The following ROBO2 variants were observed in gnomAD, a reference collection of about 807,000 sequenced individuals.
ROBO2 encodes roundabout homolog 2.
A neutral mutation model predicts 160.8 loss-of-function variants in ROBO2; 53 were observed. The ratio of observed to expected loss-of-function variants is 0.33; its 90% CI spans 0.26 to 0.41. ROBO2 has a LOEUF of 0.41. Ranked by LOEUF, ROBO2 falls within the 10% of genes least tolerant of loss-of-function variation. The pLI, the probability that ROBO2 is intolerant of heterozygous loss-of-function variation, is 1.00. For missense variants in ROBO2, 1,577 were observed against 1,722.4 expected (o/e 0.92, Z 1.49); for synonymous variants, 664 against 611.7 (o/e 1.09, Z -1.26).
chr3:76,311,944 C>T (rs954490605), intron 2 of ROBO2, among the ~76,000 whole-genome samples: 5 of 152,154 alleles, frequency 3.3e-5, no homozygotes, highest in African/African-American at 1.2e-4. Flanking sequence ...AAAAGCCTTT[C>T]AGTACTTTGA....
At chr3:76,766,370 G>A (rs9873068) in intron 2 of ROBO2, among the ~76,000 whole-genome samples, 1,746 of 151,688 alleles carry the variant, frequency 0.012, 30 homozygotes, top group African/African-American at 0.039. Context: ...ATCTATGGAC[G>A]TAATGGAGGA....
chr3:77,310,966 C>T (rs2063496954), intron 2 of ROBO2, among the ~76,000 whole-genome samples: 1 of 152,006 alleles, frequency 6.6e-6, no homozygotes. Flanking sequence ...AATCAGATGT[C>T]TTCTGATGAG....
intron 2 of ROBO2, among the ~76,000 whole-genome samples, chr3:76,010,792 A>G (rs1198330268): frequency 6.6e-6 from 1 of 152,256 alleles, no homozygotes; most frequent in Non-Finnish European, 1.5e-5. Flanking sequence ...AAGTGTTGAA[A>G]TGAAATTAAC....
At chr3:77,627,771 A>C (rs1244288189) in intron 23 of ROBO2, among the ~76,000 whole-genome samples, 1 of 152,226 alleles carries the variant, frequency 6.6e-6, no homozygotes, top group Non-Finnish European at 1.5e-5. Flanking sequence ...AAAAGTTCAT[A>C]GATTAAATAT....
intron 2 of ROBO2, among the ~76,000 whole-genome samples, chr3:77,295,679 G>T (rs2061996844): frequency 6.6e-6 from 1 of 150,966 alleles, no homozygotes; most frequent in Non-Finnish European, 1.5e-5. Context: ...TAAAATTGAT[G>T]GTTAAACGGG....
intron 2 of ROBO2, among the ~76,000 whole-genome samples, chr3:76,908,135 C>A (rs2075741307): frequency 6.6e-6 from 1 of 152,070 alleles, no homozygotes; most frequent in Non-Finnish European, 1.5e-5. Flanking sequence ...CCATCAAACC[C>A]AGCCTGCCTT....
intron 2 of ROBO2, among the ~76,000 whole-genome samples, chr3:76,530,715 G>T (rs977154238): frequency 3.3e-5 from 5 of 152,158 alleles, no homozygotes; most frequent in Non-Finnish European, 7.3e-5. Flanking sequence ...CCAGTGAAAT[G>T]TGTGCACAAA....
chr3:75,972,768 T>G (rs1314897247), intron 2 of ROBO2, among the ~76,000 whole-genome samples: 1 of 151,626 alleles, frequency 6.6e-6, no homozygotes. Flanking sequence ...TTTTGCAACA[T>G]GTCCTCTGGG....
chr3:77,468,664 TTG>T (rs2083035053), intron 2 of ROBO2, among the ~76,000 whole-genome samples: 1 of 152,182 alleles, frequency 6.6e-6, no homozygotes, highest in South Asian at 2.1e-4. Context: ...ATGTTTGTGT[TTG>T]TGTGTTTTAT....
At chr3:77,276,342 T>C (rs2059826845) in intron 2 of ROBO2, among the ~76,000 whole-genome samples, 1 of 152,190 alleles carries the variant, frequency 6.6e-6, no homozygotes, top group Non-Finnish European at 1.5e-5. Flanking sequence ...TCCCTTGAAA[T>C]GTTACTACTA....
chr3:77,277,352 T>C (rs1176367416), intron 2 of ROBO2, among the ~76,000 whole-genome samples: 6 of 151,870 alleles, frequency 4.0e-5, no homozygotes, highest in East Asian at 1.9e-4. Context: ...GTTTGTTCCA[T>C]AGGTAAATGT....
chr3:76,668,329 A>G (rs556654703), intron 2 of ROBO2, among the ~76,000 whole-genome samples: 45 of 152,180 alleles, frequency 3.0e-4, no homozygotes, highest in African/African-American at 9.6e-4. Flanking sequence ...GCTTGTCTCA[A>G]TCTCCTGGGC....
intron 2 of ROBO2, among the ~76,000 whole-genome samples, chr3:76,705,797 A>G (rs1312456229): frequency 2.6e-5 from 4 of 152,108 alleles, no homozygotes; most frequent in Non-Finnish European, 5.9e-5. Context: ...TTCTATTTGC[A>G]TAAAGTTATT....
At chr3:77,228,839 T>G (rs2086812403) in intron 2 of ROBO2, among the ~76,000 whole-genome samples, 1 of 152,206 alleles carries the variant, frequency 6.6e-6, no homozygotes, top group Non-Finnish European at 1.5e-5. Flanking sequence ...TCTCTTGAAG[T>G]TACTCTGCTG....
At chr3:76,680,800 G>A (rs2092541253) in intron 2 of ROBO2, among the ~76,000 whole-genome samples, 1 of 151,940 alleles carries the variant, frequency 6.6e-6, no homozygotes, top group Non-Finnish European at 1.5e-5. Flanking sequence ...TTTTGAGACA[G>A]GGTCTCACTC....
chr3:76,858,642 T>C (rs2070403467), intron 2 of ROBO2, among the ~76,000 whole-genome samples: 1 of 152,126 alleles, frequency 6.6e-6, no homozygotes, highest in African/African-American at 2.4e-5. Flanking sequence ...TAAAGCCAAA[T>C]AGTAAAGGCC....
In ROBO2 at chr3:76,073,267, C is replaced by CTTTTT. The variant is rs869307615; in HGVS notation, c.109+135705_109+135709dup. On this transcript the variant is annotated intron_variant, in intron 2 of 26. Coordinates refer to the ROBO2 transcript ENST00000487694. ...TTGTAAACTTCTCAGAATGAGTATT[C>CTTTTT]TTTTTTTTTTTTTTTTTTTTTTTTT... 8.9e-4 allele frequency among the ~76,000 whole-genome samples: 51 copies of CTTTTT among 57,390 alleles called. 7 individuals are homozygous for CTTTTT. Among genetic ancestry groups the CTTTTT allele is most frequent in the Non-Finnish European group, 1.4e-3 (40 of 28,420 alleles). The allele number at this position is 57,390 out of a possible 152,430, so 37.7% of individuals were successfully genotyped here. A position where few individuals can be genotyped will look rare whatever the true frequency, so the allele number is the denominator to read the frequency against.
upstream of ROBO2, among the ~76,000 whole-genome samples, chr3:77,034,975 T>C (rs188465713): frequency 6.6e-6 from 1 of 151,954 alleles, no homozygotes; most frequent in Admixed American, 6.5e-5. Context: ...TAACTTGATA[T>C]CAGTAACAAG....
At chr3:76,187,299 A>T (rs891784276) in intron 2 of ROBO2, among the ~76,000 whole-genome samples, 12 of 151,998 alleles carry the variant, frequency 7.9e-5, no homozygotes, top group Admixed American at 5.3e-4. Context: ...TAATGAGACA[A>T]GGTCTTAGTC....
Sources: allele counts gnomAD v4.1 joint callset (sites outside exome capture counted in the v4.1 genomes callset), GRCh38; gene constraint gnomAD v4.1.1; transcripts MANE v1.5; gene names NCBI Gene and HGNC (gene_info 2026-07-23, HGNC 2026-07-21).